Variants in IL31RA observed in about 807,000 individuals in gnomAD.
The protein encoded by IL31RA is interleukin 31 receptor A, also known as interleukin-31 receptor subunit alpha.
Under a neutral mutation model 83.7 loss-of-function variants are expected in IL31RA, and 66 were observed. The ratio of observed to expected loss-of-function variants is 0.79; its 90% CI spans 0.65 to 0.97. The LOEUF is 0.97. IL31RA is among the 50% of genes least tolerant of loss of function. The pLI, the probability that IL31RA is intolerant of heterozygous loss-of-function variation, is 0.00. For missense variants in IL31RA, 798 were observed against 919.4 expected (o/e 0.87, Z 1.71); for synonymous variants, 325 against 329.0 (o/e 0.99, Z 0.13).
chr5:55,867,472 T>A (rs1242588730), intron 2 of IL31RA, among the ~76,000 whole-genome samples: 1 of 151,062 alleles, frequency 6.6e-6, no homozygotes, highest in Non-Finnish European at 1.5e-5. Flanking sequence ...ATCAAAATAT[T>A]AATGAAATCA....
intron 6 of IL31RA, among the ~76,000 whole-genome samples, chr5:55,895,480 T>G (rs1328724295): frequency 3.9e-5 from 6 of 152,186 alleles, no homozygotes; most frequent in Non-Finnish European, 7.4e-5. Context: ...CATCCCTATA[T>G]GGTTAGATCA....
At chr5:55,859,689 A>G in intron 2 of IL31RA, 90 bp downstream of exon 2, 1 of 904,630 alleles carries the variant, frequency 1.1e-6, no homozygotes, top group Non-Finnish European at 1.9e-6. Context: ...CACCTGGATT[A>G]TGGACATCCA....
At position 55,917,456 on chromosome 5, in the gene IL31RA, G is replaced by T; in HGVS notation, c.*336G>T. The T allele has an allele frequency of 1.8e-6, 1 of 561,268 alleles. No individual in the cohort carries two copies. The highest frequency in any genetic ancestry group is 2.6e-6 in the Non-Finnish European group (1 of 383,964). The allele number at this position is 561,268 out of a possible 1,614,324, so 34.8% of individuals were successfully genotyped here. ...AGGACCCCCAGGGTGGACATATCTG[G>T]CCTCCCAGGAATTGGGTCATGGTCC... On this transcript the variant is annotated 3_prime_UTR_variant, in exon 15 of 15. Coordinates refer to ENST00000652347, the MANE Select transcript of IL31RA (RefSeq NM_139017.7).
intron 4 of IL31RA, among the ~76,000 whole-genome samples, chr5:55,880,310 T>C (rs1747123708): frequency 1.3e-5 from 2 of 152,180 alleles, no homozygotes; most frequent in South Asian, 4.1e-4. Context: ...ACCCAGTTAA[T>C]GTTTTAAAGT....
rs1157058817 is a variant in IL31RA, at chr5:55,908,651, T to C, written c.1501+240T>C. ...GAGAGTCCTGAGGAAATGGAAGGAGTTGTTATAATTTGTCCTGGTTAGGCC... is the reference window on the plus strand; with the variant it reads ...GAGAGTCCTGAGGAAATGGAAGGAGCTGTTATAATTTGTCCTGGTTAGGCC... On this transcript the variant is annotated intron_variant, in intron 11 of 14. Transcript: ENST00000652347. 7.2e-6 allele frequency: 11 copies of C among 1,531,226 alleles called. No homozygotes were observed. In the Admixed American group the frequency reaches 1.6e-4, roughly 22 times the overall value. The allele number at this position is 1,531,226 out of a possible 1,614,324, so 94.9% of individuals were successfully genotyped here.
chr5:55,877,723 G>A (rs1746946255), intron 4 of IL31RA, among the ~76,000 whole-genome samples: 1 of 152,272 alleles, frequency 6.6e-6, no homozygotes, highest in African/African-American at 2.4e-5. Flanking sequence ...TCCATTGTAT[G>A]TGATGAGTTG....
In IL31RA at chr5:55,908,344, G is replaced by C. The variant is rs976950147; in HGVS notation, c.1434G>C (p.Lys478Asn). The C allele has an allele frequency of 6.2e-7, 1 of 1,614,080 alleles. No individual in the cohort carries two copies. The highest frequency in any genetic ancestry group is 8.5e-7 in the Non-Finnish European group (1 of 1,180,044). The change falls in exon 11 of 15, where the codon AAG becomes AAC. Residue 478 changes from lysine to asparagine, a missense_variant. Lys to Asn is a moderately conservative substitution (Grantham distance 94). Transcript: ENST00000652347. ...CGATCACATGGAAAGAGATTCCCAA[G>C]AGTGAGAGAAAGGGTATCATCTGCA... ...TVTITWKEIP[K>N]SERKGIICNY... is the part of the protein sequence containing the mutation.
intron 3 of IL31RA, among the ~76,000 whole-genome samples, chr5:55,869,751 G>A (rs1038648477): frequency 1.3e-5 from 2 of 152,184 alleles, no homozygotes; most frequent in African/African-American, 4.8e-5. Flanking sequence ...TGGGATTACA[G>A]GCATGAGCCA....
intron 2 of IL31RA, among the ~76,000 whole-genome samples, chr5:55,867,314 T>TGTGC (rs143201151): frequency 7.6e-4 from 113 of 149,202 alleles, no homozygotes; most frequent in Non-Finnish European, 5.3e-4. Flanking sequence ...CGTGTGTGTG[T>TGTGC]GTGCGTGTGT....
intron 2 of IL31RA, among the ~76,000 whole-genome samples, chr5:55,867,261 T>TTG (rs1561543586): frequency 5.1e-3 from 43 of 8,416 alleles, no homozygotes; most frequent in South Asian, 0.012. Flanking sequence ...GTGCGTGTGT[T>TTG]TGTGTGCGTG....
Position 55,916,795 on chromosome 5 carries a change from G to C in IL31RA, c.1970G>C (p.Arg657Thr), listed in dbSNP as rs772273686. 2 of 1,614,230 alleles carry C rather than the reference G, an allele frequency of 1.2e-6. No individual in the cohort carries two copies. Among genetic ancestry groups the C allele is most frequent in the Non-Finnish European group, 1.7e-6 (2 of 1,180,044 alleles). ...CAAGAAATTTTCACAGATGAAGCCAGAACGGGTCAGGAAAACAATTTAGGA... is the reference window on the plus strand; with the variant it reads ...CAAGAAATTTTCACAGATGAAGCCACAACGGGTCAGGAAAACAATTTAGGA... ...VLQEIFTDEA[R>T]TGQENNLGGE... The change falls in exon 15 of 15, where the codon AGA (arginine) becomes ACA (threonine). Residue 657 changes from arginine to threonine, a missense_variant. Transcript: ENST00000652347.
At chr5:55,874,031 G>A (rs753499144) in intron 4 of IL31RA, among the ~76,000 whole-genome samples, 7 of 151,912 alleles carry the variant, frequency 4.6e-5, no homozygotes, top group Non-Finnish European at 8.8e-5. Context: ...TCCTACATTT[G>A]AATTATTGAT....
chr5:55,892,762 C>T lies in IL31RA; in HGVS notation c.772+2627C>T, dbSNP rs138924752. ...GCTTATCACAGACCAGCCAGTCCCTCGTGTCAGTTTTCTCAGCTTGTTTTG... is the reference window on the plus strand; with the variant it reads ...GCTTATCACAGACCAGCCAGTCCCTTGTGTCAGTTTTCTCAGCTTGTTTTG... On this transcript the variant is annotated intron_variant, in intron 6 of 14. Coordinates refer to ENST00000652347, the MANE Select transcript of IL31RA (RefSeq NM_139017.7). Among the ~76,000 whole-genome samples, 342 of 152,288 alleles carry T rather than the reference C, an allele frequency of 2.2e-3. 5 individuals carry two copies. The highest frequency in any genetic ancestry group is 7.3e-3 in the African/African-American group (304 of 41,560).
At position 55,917,263 on chromosome 5, in the gene IL31RA, T is replaced by A; in HGVS notation, c.*143T>A. ...TTTCCCCTGCCCCTTGAGCTGCCAG[T>A]TGAACTTGGTCGGCAAAGATGCGAC... On this transcript the variant is annotated 3_prime_UTR_variant, in exon 15 of 15. Coordinates refer to ENST00000652347, the MANE Select transcript of IL31RA (RefSeq NM_139017.7). The A allele has an allele frequency of 6.4e-7, 1 of 1,569,130 alleles. No individual in the cohort carries two copies. The highest frequency in any genetic ancestry group is 1.1e-5 in the South Asian group (1 of 87,564).
Position 55,916,649 on chromosome 5 carries a change from G to A in IL31RA, c.1824G>A (p.Lys608=). Residue 608 remains lysine, a synonymous_variant, in exon 15 of 15, where the codon AAG becomes AAA. Transcript: ENST00000652347. ...TGTCCCTTTTTCTTTTCCAGGATAA[G>A]CTAAACCTGAAGGAGTCTGATGACT... ...ATWHGDDFKD[K]LNLKESDDSV... is the part of the protein sequence containing the mutation. 1 of 1,613,934 alleles carries A rather than the reference G, an allele frequency of 6.2e-7. No individual in the cohort carries two copies. The highest frequency in any genetic ancestry group is 8.5e-7 in the Non-Finnish European group (1 of 1,179,858).
At chr5:55,885,362 G>T (rs1365772080) in intron 5 of IL31RA, among the ~76,000 whole-genome samples, 1 of 152,154 alleles carries the variant, frequency 6.6e-6, no homozygotes, top group Non-Finnish European at 1.5e-5. Flanking sequence ...ACATTGAAGG[G>T]TGAGGAGAGA....
intron 2 of IL31RA, among the ~76,000 whole-genome samples, chr5:55,867,527 C>T (rs1746263669): frequency 1.3e-5 from 2 of 151,944 alleles, no homozygotes; most frequent in Admixed American, 6.6e-5. Flanking sequence ...AATATGTGGT[C>T]TTCTTTATTA....
intron 12 of IL31RA, among the ~76,000 whole-genome samples, chr5:55,912,765 C>T (rs903400576): frequency 1.6e-4 from 24 of 152,210 alleles, no homozygotes; most frequent in African/African-American, 5.5e-4. Context: ...CACTGCACTC[C>T]AGCCTGGGCA....
the IL31RA span, among the ~76,000 whole-genome samples, chr5:55,841,967 A>C: frequency 6.6e-6 from 1 of 151,652 alleles, no homozygotes; most frequent in African/African-American, 2.4e-5. Flanking sequence ...TTTTTTTAAG[A>C]GATGGTCTTG....
Sources: allele counts gnomAD v4.1 joint callset (sites outside exome capture counted in the v4.1 genomes callset), GRCh38; gene constraint gnomAD v4.1.1; transcripts MANE v1.5; gene names NCBI Gene and HGNC (gene_info 2026-07-23, HGNC 2026-07-21).